GRIP1: variants seen among roughly 807,000 people sequenced by gnomAD.
GRIP1 encodes glutamate receptor interacting protein 1.
A neutral mutation model predicts 129.9 loss-of-function variants in GRIP1; 45 were observed. That is an observed-to-expected ratio of 0.35 (90% CI 0.27 to 0.44). GRIP1 has a LOEUF of 0.44. Among genes scored for constraint, GRIP1 ranks in the 20% least tolerant of loss-of-function variants. The probability of loss-of-function intolerance (pLI) is 1.00; values close to 1 mark genes in which losing one functional copy is unlikely to be tolerated. For synonymous variants in GRIP1, 530 were observed against 520.8 expected (o/e 1.02, Z -0.24); for missense variants, 1,196 against 1,396.8 (o/e 0.86, Z 2.29).
intron 1 of GRIP1, among the ~76,000 whole-genome samples, chr12:67,067,451 TTA>T (rs909925493): frequency 6.6e-6 from 1 of 152,178 alleles, no homozygotes; most frequent in Non-Finnish European, 1.5e-5. Context: ...TGTAGTGCTT[TTA>T]CCTGGTTATA....
At chr12:66,786,364 G>A (rs145929330) in intron 1 of GRIP1, among the ~76,000 whole-genome samples, 47 of 152,210 alleles carry the variant, frequency 3.1e-4, no homozygotes, top group African/African-American at 9.9e-4. Context: ...CTTTGTTGGT[G>A]GACAGACCTG....
intron 19 of GRIP1, among the ~76,000 whole-genome samples, chr12:66,389,268 G>A (rs1053258470): frequency 6.6e-6 from 1 of 152,044 alleles, no homozygotes; most frequent in Non-Finnish European, 1.5e-5. Flanking sequence ...TTGTTCTATT[G>A]CCCAGGCTGG....
chr12:66,509,461 G>C (rs930969030), intron 7 of GRIP1, among the ~76,000 whole-genome samples: 1 of 152,158 alleles, frequency 6.6e-6, no homozygotes, highest in African/African-American at 2.4e-5. Flanking sequence ...AAATTTGTCT[G>C]ACTTTAAAAG....
At chr12:66,667,621 CT>C (rs1245257907) in intron 1 of GRIP1, among the ~76,000 whole-genome samples, 1 of 152,146 alleles carries the variant, frequency 6.6e-6, no homozygotes, top group Non-Finnish European at 1.5e-5. Context: ...CACCCAAGGC[CT>C]CGGGTGGGAG....
At chr12:67,037,359 T>TAATAATAATAATAATAAC (rs2043113898) in intron 1 of GRIP1, 3 of 148,556 alleles carry the variant, frequency 2.0e-5, no homozygotes, top group Non-Finnish European at 4.5e-5. Flanking sequence ...ATAATAATAA[T>TAATAATAATAATAATAAC]ACTTAAATAC....
rs569481856 is a variant in GRIP1, at chr12:66,938,906, G to A, written c.58+130144C>T. ...TGGGAGGTGGAGGTTGCAGTAAGCC[G>A]AGATGGTGCCATTGCACTCCCACCT... is the stretch of plus-strand genomic sequence containing the variant. On this transcript the variant is annotated intron_variant, in intron 1 of 1. Transcript: ENST00000643019. Among the ~76,000 whole-genome samples, 128 of 152,180 alleles carry A rather than the reference G, an allele frequency of 8.4e-4. 1 individual carries two copies. Among genetic ancestry groups the A allele is most frequent in the South Asian group, 1.7e-3 (8 of 4,824 alleles).
chr12:66,812,679 A>C (rs958540426), intron 1 of GRIP1, among the ~76,000 whole-genome samples: 2 of 152,206 alleles, frequency 1.3e-5, no homozygotes, highest in African/African-American at 4.8e-5. Context: ...TACAGCTCTA[A>C]GGATTCATTT....
chr12:66,819,031 ATTTAG>A (rs1350587884), intron 1 of GRIP1, among the ~76,000 whole-genome samples: 1 of 152,128 alleles, frequency 6.6e-6, no homozygotes, highest in African/African-American at 2.4e-5. Flanking sequence ...TTTTACATGT[ATTTAG>A]TTTAGTGCAT....
At chr12:66,782,429 T>C (rs1479482119) in intron 1 of GRIP1, among the ~76,000 whole-genome samples, 1 of 152,132 alleles carries the variant, frequency 6.6e-6, no homozygotes, top group Non-Finnish European at 1.5e-5. Flanking sequence ...GAAATAGAAG[T>C]GGTGAAAAAC....
intron 7 of GRIP1, among the ~76,000 whole-genome samples, chr12:66,514,759 T>G (rs2060795748): frequency 6.6e-6 from 1 of 152,138 alleles, no homozygotes; most frequent in African/African-American, 2.4e-5. Flanking sequence ...TGTATGACAT[T>G]GTTATATATG....
Position 66,721,291 on chromosome 12 carries a change from T to A in GRIP1, c.-420+82762A>T, listed in dbSNP as rs565799179. Among the ~76,000 whole-genome samples the A allele has an allele frequency of 4.6e-5, 7 of 152,246 alleles. No homozygotes were observed. In the South Asian group the frequency reaches 6.2e-4, roughly 14 times the overall value. On this transcript the variant is annotated intron_variant, in intron 1 of 4. Transcript: ENST00000538373. Reference sequence around the variant, plus strand: ...ATTTAGCATAATTCTTTCTTTTTTTTAATTGAGACAGAGTCTCACTCTGTC... The same window carrying A: ...ATTTAGCATAATTCTTTCTTTTTTTAAATTGAGACAGAGTCTCACTCTGTC...
At chr12:66,374,635 A>G (rs2055698117) in intron 22 of GRIP1, among the ~76,000 whole-genome samples, 1 of 152,212 alleles carries the variant, frequency 6.6e-6, no homozygotes, top group African/African-American at 2.4e-5. Context: ...CATGAGAATG[A>G]CAGGACACAT....
chr12:66,567,679 C>A, intron 2 of GRIP1: 1 of 218,886 alleles, frequency 4.6e-6, no homozygotes, highest in South Asian at 8.1e-5. Flanking sequence ...GCATTTTCCC[C>A]TGTTGCATAT....
At chr12:66,660,343 T>C (rs561225348) in intron 1 of GRIP1, among the ~76,000 whole-genome samples, 19 of 152,272 alleles carry the variant, frequency 1.2e-4, no homozygotes, top group African/African-American at 4.1e-4. Flanking sequence ...TAGCTTAGTA[T>C]TGGAATATTT....
chr12:66,884,014 A>T (rs2040522835), intron 1 of GRIP1, among the ~76,000 whole-genome samples: 1 of 152,222 alleles, frequency 6.6e-6, no homozygotes, highest in Non-Finnish European at 1.5e-5. Flanking sequence ...GTGCACATGC[A>T]AGTGTGAGCA....
At chr12:67,033,295 AG>A (rs2043050198) in intron 1 of GRIP1, among the ~76,000 whole-genome samples, 1 of 150,696 alleles carries the variant, frequency 6.6e-6, no homozygotes, top group Admixed American at 6.6e-5. Flanking sequence ...ATATATATAA[AG>A]ACAAATTAAG....
chr12:66,594,280 G>A (rs914069109), intron 2 of GRIP1, among the ~76,000 whole-genome samples: 1 of 151,842 alleles, frequency 6.6e-6, no homozygotes, highest in African/African-American at 2.4e-5. Flanking sequence ...CATGCTACCG[G>A]GGTGTTAAAA....
chr12:66,586,142 C>T (rs888999892), intron 2 of GRIP1, among the ~76,000 whole-genome samples: 22 of 152,174 alleles, frequency 1.4e-4, no homozygotes, highest in Non-Finnish European at 2.5e-4. Flanking sequence ...ACATTCTCTG[C>T]CTGTTACTCA....
chr12:66,940,378 T>A (rs1189749983), intron 1 of GRIP1, among the ~76,000 whole-genome samples: 1 of 152,184 alleles, frequency 6.6e-6, no homozygotes, highest in Non-Finnish European at 1.5e-5. Context: ...CAGTGAGTGT[T>A]ACTATCTGAT....
Sources: gnomAD v4.1 joint callset for allele counts (sites outside exome capture counted in the v4.1 genomes callset) on GRCh38, gnomAD v4.1.1 for gene constraint, MANE v1.5 for transcripts, NCBI Gene and HGNC (gene_info 2026-07-23, HGNC 2026-07-21) for gene names.